Variants in VDAC1 observed in about 807,000 individuals in gnomAD.
The protein encoded by VDAC1 is voltage dependent anion channel 1, also known as non-selective voltage-gated ion channel VDAC1.
Under a neutral mutation model 34.7 loss-of-function variants are expected in VDAC1, and 10 were observed. The observed-to-expected ratio is 0.29, with a 90% CI of 0.18 to 0.49. The LOEUF (loss-of-function observed/expected upper bound fraction) is 0.49, where lower values mean the gene tolerates loss of function less well. VDAC1 is among the 20% of genes least tolerant of loss of function. The pLI is 0.99. For synonymous variants in VDAC1, 130 were observed against 136.0 expected (o/e 0.96, Z 0.30); for missense variants, 230 against 347.9 (o/e 0.66, Z 2.69).
At chr5:134,111,601 C>G in the VDAC1 span, among the ~76,000 whole-genome samples, 1 of 152,266 alleles carries the variant, frequency 6.6e-6, no homozygotes, top group Admixed American at 6.5e-5. Context: ...TCTCTGCCAG[C>G]AAAGGTCTTG....
intron 5 of VDAC1, among the ~76,000 whole-genome samples, chr5:133,985,354 T>C (rs1380239560): frequency 6.6e-6 from 1 of 152,134 alleles, no homozygotes; most frequent in Non-Finnish European, 1.5e-5. Flanking sequence ...AACCAAATTA[T>C]CTCTCAATAA....
chr5:134,068,336 T>A, the VDAC1 span, among the ~76,000 whole-genome samples: 1 of 150,950 alleles, frequency 6.6e-6, no homozygotes, highest in Non-Finnish European at 1.5e-5. Flanking sequence ...TCCTATCAGT[T>A]TTTTTTTTCT....
At chr5:134,022,399 T>G in the VDAC1 span, among the ~76,000 whole-genome samples, 25 of 152,248 alleles carry the variant, frequency 1.6e-4, no homozygotes, top group Non-Finnish European at 2.9e-4. Flanking sequence ...ATTAAGATGC[T>G]GCCATCTGGC....
chr5:134,074,192 G>C, the VDAC1 span, among the ~76,000 whole-genome samples: 1 of 151,848 alleles, frequency 6.6e-6, no homozygotes, highest in South Asian at 2.1e-4. Context: ...GGCACCTGTA[G>C]TCCCAGCTAC....
the VDAC1 span, among the ~76,000 whole-genome samples, chr5:134,047,257 C>A: frequency 6.6e-6 from 1 of 152,064 alleles, no homozygotes; most frequent in African/African-American, 2.4e-5. Flanking sequence ...GGGCAGGAAC[C>A]CTGGTTAATA....
chr5:134,083,339 C>T, the VDAC1 span, among the ~76,000 whole-genome samples: 1 of 151,992 alleles, frequency 6.6e-6, no homozygotes, highest in Non-Finnish European at 1.5e-5. Context: ...CAGGCACCTG[C>T]CACCATGCCC....
At chr5:134,026,034 T>A in the VDAC1 span, among the ~76,000 whole-genome samples, 1 of 152,096 alleles carries the variant, frequency 6.6e-6, no homozygotes, top group Non-Finnish European at 1.5e-5. Flanking sequence ...ACCACCAGTC[T>A]GGCCACGGGG....
At chr5:133,983,059 G>T (rs1561586185) in intron 5 of VDAC1, among the ~76,000 whole-genome samples, 1 of 151,460 alleles carries the variant, frequency 6.6e-6, no homozygotes, top group Non-Finnish European at 1.5e-5. Flanking sequence ...AGCCCAGCCT[G>T]ACCAACACGG....
chr5:134,106,716 T>C, the VDAC1 span, among the ~76,000 whole-genome samples: 1 of 152,098 alleles, frequency 6.6e-6, no homozygotes, highest in African/African-American at 2.4e-5. Context: ...CGTCATCCTA[T>C]CTTACAGATG....
At chr5:134,034,808 G>A in the VDAC1 span, among the ~76,000 whole-genome samples, 2 of 152,082 alleles carry the variant, frequency 1.3e-5, no homozygotes, top group African/African-American at 4.8e-5. Flanking sequence ...AAGGAGCTGC[G>A]AGTAAGGAAA....
At chr5:134,049,285 GGTCT>G in the VDAC1 span, among the ~76,000 whole-genome samples, 1 of 152,130 alleles carries the variant, frequency 6.6e-6, no homozygotes, top group Non-Finnish European at 1.5e-5. Flanking sequence ...ATAGAGATAA[GGTCT>G]GTCTATGTTG....
the VDAC1 span, among the ~76,000 whole-genome samples, chr5:134,023,022 C>T: frequency 1.3e-5 from 2 of 152,118 alleles, no homozygotes; most frequent in African/African-American, 2.4e-5. Flanking sequence ...GACACAGGCA[C>T]GCATATGTTT....
chr5:133,982,090 C>T (rs139330081), intron 5 of VDAC1, among the ~76,000 whole-genome samples: 1 of 152,272 alleles, frequency 6.6e-6, no homozygotes, highest in Non-Finnish European at 1.5e-5. Context: ...GGGGTGGAGG[C>T]AAAAGGACTT....
the VDAC1 span, among the ~76,000 whole-genome samples, chr5:134,068,450 C>T: frequency 6.7e-6 from 1 of 150,198 alleles, no homozygotes; most frequent in Non-Finnish European, 1.5e-5. Flanking sequence ...ATTTTGCACT[C>T]ATTCTTGAAC....
At chr5:134,033,211 G>A in the VDAC1 span, among the ~76,000 whole-genome samples, 4 of 145,232 alleles carry the variant, frequency 2.8e-5, no homozygotes, top group Non-Finnish European at 6.0e-5. Flanking sequence ...AGGCTGGAGT[G>A]CAATGGCGTG....
the VDAC1 span, among the ~76,000 whole-genome samples, chr5:134,053,165 G>A: frequency 1.3e-5 from 2 of 152,098 alleles, no homozygotes. Flanking sequence ...AAATACCACA[G>A]TGCATAACTG....
the VDAC1 span, among the ~76,000 whole-genome samples, chr5:134,054,244 C>G: frequency 2.0e-5 from 3 of 152,198 alleles, no homozygotes; most frequent in South Asian, 6.2e-4. Flanking sequence ...TTTACTCTGC[C>G]AGCATGGTGG....
At chr5:134,101,820 A>G in the VDAC1 span, among the ~76,000 whole-genome samples, 1 of 152,218 alleles carries the variant, frequency 6.6e-6, no homozygotes, top group Admixed American at 6.5e-5. Context: ...GTGGGGCTCC[A>G]GCAGGAGTTT....
At chr5:133,984,695 A>G (rs1031845765) in intron 5 of VDAC1, among the ~76,000 whole-genome samples, 3 of 152,180 alleles carry the variant, frequency 2.0e-5, no homozygotes, top group African/African-American at 7.2e-5. Flanking sequence ...CAACACTTTT[A>G]GAGGCCAAGG....
Sources: allele counts gnomAD v4.1 joint callset (sites outside exome capture counted in the v4.1 genomes callset), GRCh38; gene constraint gnomAD v4.1.1; transcripts MANE v1.5; gene names NCBI Gene and HGNC (gene_info 2026-07-23, HGNC 2026-07-21).